Variants in ZNF343 observed in about 807,000 individuals in gnomAD.
ZNF343 encodes zinc finger protein 343.
In ZNF343, 11 loss-of-function variants were observed where a neutral mutation model predicts 13.8. That is an observed-to-expected ratio of 0.80 (90% CI 0.50 to 1.32). The LOEUF is 1.32. ZNF343 is among the 40% of genes most tolerant of loss of function. The pLI, the probability that ZNF343 is intolerant of heterozygous loss-of-function variation, is 0.00. For missense variants in ZNF343, 658 were observed against 714.2 expected, an observed-to-expected ratio of 0.92 and a Z score of 0.90; for synonymous variants, 248 against 260.0, an observed-to-expected ratio of 0.95 and a Z score of 0.44.
intron 5 of ZNF343, among the ~76,000 whole-genome samples, chr20:2,488,987 G>A (rs1212889049): frequency 6.6e-6 from 1 of 152,196 alleles, no homozygotes; most frequent in Non-Finnish European, 1.5e-5. Flanking sequence ...CGAGGCTGCA[G>A]TGAGCTATGA....
chr20:2,486,046 CTTGATATT>C (rs1160746076), intron 5 of ZNF343, among the ~76,000 whole-genome samples: 1 of 152,126 alleles, frequency 6.6e-6, no homozygotes, highest in Non-Finnish European at 1.5e-5. Flanking sequence ...AACTTTTTGC[CTTGATATT>C]TTGACTGTGA....
At chr20:2,523,129 A>G (rs769272056) in intron 1 of ZNF343, among the ~76,000 whole-genome samples, 2 of 152,240 alleles carry the variant, frequency 1.3e-5, no homozygotes, top group Non-Finnish European at 2.9e-5. Context: ...ACTGCTCATG[A>G]TACACTAATT....
At chr20:2,487,199 C>T (rs1481921983) in intron 5 of ZNF343, among the ~76,000 whole-genome samples, 3 of 152,048 alleles carry the variant, frequency 2.0e-5, no homozygotes, top group Non-Finnish European at 4.4e-5. Context: ...TCTTTGTATT[C>T]GATTGTAGGG....
chr20:2,489,557 T>C (rs2085333792), intron 5 of ZNF343, among the ~76,000 whole-genome samples: 2 of 152,226 alleles, frequency 1.3e-5, no homozygotes, highest in Non-Finnish European at 2.9e-5. Context: ...CCATCATTGC[T>C]CTTTTTCCCT....
In ZNF343 at chr20:2,492,800, G is replaced by C. The variant is rs755654478; in HGVS notation, c.203C>G (p.Thr68Ser). Residue 68 changes from threonine (T) to serine (S), a missense_variant, in exon 5 of 6, where the codon ACT (threonine) becomes AGT (serine). Physicochemically the swap from Thr to Ser is moderately conservative, Grantham distance 58. Coordinates refer to ENST00000278772, the MANE Select transcript of ZNF343 (RefSeq NM_024325.6). Reference protein sequence around the residue: ...IVVPVTFRDVTVIFTEAEWKR... With the variant: ...IVVPVTFRDVSVIFTEAEWKR... ...CCATTCTGCTTCTGTGAAGATCACAGTCACATCCCTGAATGTAACTGGTAC... is the reference window on the plus strand; with the variant it reads ...CCATTCTGCTTCTGTGAAGATCACACTCACATCCCTGAATGTAACTGGTAC... 1 of 1,613,690 alleles carries C rather than the reference G, an allele frequency of 6.2e-7. No individual in the cohort carries two copies. The highest frequency in any genetic ancestry group is 8.5e-7 in the Non-Finnish European group (1 of 1,180,008).
At chr20:2,521,645 G>T (rs1042363191) in intron 1 of ZNF343, among the ~76,000 whole-genome samples, 1 of 152,322 alleles carries the variant, frequency 6.6e-6, no homozygotes, top group Admixed American at 6.5e-5. Flanking sequence ...TCCGGAGAGG[G>T]AAGTGTGGAC....
upstream of ZNF343, among the ~76,000 whole-genome samples, chr20:2,511,995 G>A (rs1483554519): frequency 6.6e-6 from 1 of 152,216 alleles, no homozygotes; most frequent in Admixed American, 6.5e-5. Flanking sequence ...CAGATGATGT[G>A]ATCTTGTATA....
At chr20:2,513,055 G>A (rs1050162779), upstream of ZNF343, among the ~76,000 whole-genome samples, 2 of 152,026 alleles carry the variant, frequency 1.3e-5, no homozygotes, top group African/African-American at 4.8e-5. Flanking sequence ...AGCCATGATT[G>A]TACCACTGCA....
In ZNF343 at chr20:2,491,138, A is replaced by T. The variant is rs114067939; in HGVS notation, c.304+1561T>A. ...TCTTCTCTACATGTTTTATCTAGAA[A>T]CATAGGAATATCTAGAACAGTACTA... On this transcript the variant is annotated intron_variant, in intron 5 of 5. Transcript: ENST00000278772. Among the ~76,000 whole-genome samples, 140 of 152,348 alleles carry T rather than the reference A, an allele frequency of 9.2e-4. 1 individual carries two copies. Among genetic ancestry groups the T allele is most frequent in the African/African-American group, 3.2e-3 (133 of 41,576 alleles).
chr20:2,493,787 T>C lies in ZNF343; in HGVS notation c.109A>G (p.Lys37Glu). 6.2e-7 allele frequency: 1 copy of C among 1,612,736 alleles called. No individual in the cohort carries two copies. The highest frequency in any genetic ancestry group is 8.5e-7 in the Non-Finnish European group (1 of 1,178,748). Residue 37 changes from lysine to glutamate, a missense_variant, in exon 3 of 6, where the codon AAA (lysine) becomes GAA (glutamate). Coordinates refer to ENST00000278772, the MANE Select transcript of ZNF343 (RefSeq NM_024325.6). ...CCTCAACAATTCTCACCTTTCGCTT[T>C]ATGATTTTGGGTCAATTTCTTCATA... is the stretch of plus-strand genomic sequence containing the variant. Reference protein sequence around the residue: ...ETMKKLTQNHKAKGLPSNDTD... With the variant: ...ETMKKLTQNHEAKGLPSNDTD...
chr20:2,491,959 T>C (rs2085372134), intron 5 of ZNF343: 1 of 153,396 alleles, frequency 6.5e-6, no homozygotes, highest in South Asian at 2.0e-4. Flanking sequence ...GTTCAAGTGA[T>C]TCTCCTGCCT....
intron 2 of ZNF343, among the ~76,000 whole-genome samples, chr20:2,494,537 G>A (rs1401049647): frequency 2.0e-5 from 3 of 152,118 alleles, no homozygotes; most frequent in Admixed American, 6.5e-5. Flanking sequence ...GGGAGGCCAC[G>A]GCAAGCTAAT....
intron 5 of ZNF343, among the ~76,000 whole-genome samples, chr20:2,490,744 T>G (rs537059460): frequency 1.3e-5 from 2 of 152,126 alleles, no homozygotes; most frequent in South Asian, 4.1e-4. Context: ...GAATCAGTTA[T>G]ATGTATTAAC....
At chr20:2,487,614 A>C (rs764158891) in intron 5 of ZNF343, among the ~76,000 whole-genome samples, 21 of 152,252 alleles carry the variant, frequency 1.4e-4, no homozygotes, top group Non-Finnish European at 1.3e-4. Context: ...TTTTATACAG[A>C]AACAATGCTA....
In ZNF343 at chr20:2,483,808, C is replaced by G; in HGVS notation, c.1153G>C (p.Glu385Gln). ...HSGEKPYVCL[E>Q]CGRSFCDKST... Reference sequence around the variant, plus strand: ...TTATCACAAAAGCTTCGTCCACACTCCAGGCACACATAGGGTTTCTCACCG... The same window carrying G: ...TTATCACAAAAGCTTCGTCCACACTGCAGGCACACATAGGGTTTCTCACCG... Residue 385 changes from glutamate to glutamine, a missense_variant, in exon 6 of 6, where the codon GAG (glutamate) becomes CAG (glutamine). Coordinates refer to ENST00000278772, the MANE Select transcript of ZNF343 (RefSeq NM_024325.6). 3.1e-6 allele frequency: 5 copies of G among 1,614,030 alleles called. No individual in the cohort carries two copies. The highest frequency in any genetic ancestry group is 1.7e-4 in the Middle Eastern group (1 of 6,060).
At chr20:2,489,995 G>A (rs905801657) in intron 5 of ZNF343, among the ~76,000 whole-genome samples, 9 of 145,540 alleles carry the variant, frequency 6.2e-5, no homozygotes, top group African/African-American at 2.0e-4. Flanking sequence ...GAAAAAAAAA[G>A]AAATAAAGTA....
Position 2,523,704 on chromosome 20 carries a change from G to A in ZNF343, c.-347+751C>T, listed in dbSNP as rs1410621063. ...TTTTTTTTTTTTTTTTTTTTGAGAC[G>A]GAATCTCGCACTCTGGCCTGGGCTA... On this transcript the variant is annotated intron_variant, in intron 1 of 6. Coordinates refer to the ZNF343 transcript ENST00000358413. 6.9e-5 allele frequency among the ~76,000 whole-genome samples: 8 copies of A among 115,132 alleles called. No individual in the cohort carries two copies. The South Asian group carries it at 8.1e-4, about 12-fold the overall frequency. 75.5% of individuals were successfully genotyped at this position (115,132 alleles called of 152,430 possible).
intron 5 of ZNF343, among the ~76,000 whole-genome samples, chr20:2,487,898 A>G (rs1390279312): frequency 6.6e-5 from 10 of 152,352 alleles, no homozygotes; most frequent in Admixed American, 6.5e-4. Flanking sequence ...GCATTTATCT[A>G]ATTAGAAGTG....
upstream of ZNF343, among the ~76,000 whole-genome samples, chr20:2,513,462 T>A (rs932699321): frequency 2.0e-5 from 3 of 152,326 alleles, no homozygotes; most frequent in South Asian, 6.2e-4. Flanking sequence ...AAATACTTTT[T>A]TAATGGAAAA....
Sources: gnomAD v4.1 joint callset for allele counts (sites outside exome capture counted in the v4.1 genomes callset) on GRCh38, gnomAD v4.1.1 for gene constraint, MANE v1.5 for transcripts, NCBI Gene and HGNC (gene_info 2026-07-23, HGNC 2026-07-21) for gene names.